The following RTL4 variants were observed in gnomAD, a reference collection of about 807,000 sequenced individuals.
RTL4 encodes the protein retrotransposon Gag like 4.
Under a neutral mutation model 5.3 loss-of-function variants are expected in RTL4, and 4 were observed. The observed-to-expected ratio is 0.75, with a 90% CI of 0.37 to 1.72. The LOEUF (loss-of-function observed/expected upper bound fraction) is 1.72, where lower values mean the gene tolerates loss of function less well. Ranked by LOEUF, RTL4 falls within the 40% of genes most tolerant of loss-of-function variation. RTL4 has a pLI of 0.04. For missense variants in RTL4, 260 were observed against 227.1 expected (o/e 1.14, Z -0.93); for synonymous variants, 98 against 87.3 (o/e 1.12, Z -0.68).
At chrX:112,425,074 C>T in the RTL4 span, among the ~76,000 whole-genome samples, 1,869 of 111,164 alleles carry the variant, frequency 0.017, 19 homozygotes, top group Non-Finnish European at 0.027. Context: ...ATCCTCTGTG[C>T]GCTGCCTATT....
chrX:112,102,360 T>A, the RTL4 span, among the ~76,000 whole-genome samples: 1 of 111,466 alleles, frequency 9.0e-6, no homozygotes, highest in East Asian at 2.8e-4. Flanking sequence ...AGAGAGAGAA[T>A]GTTATAAATT....
the RTL4 span, among the ~76,000 whole-genome samples, chrX:112,163,024 T>C: frequency 8.9e-6 from 1 of 111,964 alleles, no homozygotes; most frequent in Non-Finnish European, 1.9e-5. Context: ...CTCATTTATC[T>C]GTTCTTCGTA....
the RTL4 span, among the ~76,000 whole-genome samples, chrX:112,351,172 T>C: frequency 2.7e-5 from 3 of 110,702 alleles, no homozygotes; most frequent in African/African-American, 6.6e-5. Flanking sequence ...TGTAGTTGAG[T>C]GGTTTTGAGT....
the RTL4 span, among the ~76,000 whole-genome samples, chrX:112,303,638 A>G: frequency 4.8e-4 from 44 of 91,137 alleles, no homozygotes; most frequent in African/African-American, 1.5e-3. Flanking sequence ...GGATAGCATT[A>G]GGAGATATAC....
the RTL4 span, among the ~76,000 whole-genome samples, chrX:112,226,811 C>T: frequency 1.8e-5 from 2 of 108,581 alleles, no homozygotes; most frequent in Non-Finnish European, 3.8e-5. Context: ...TGGTGCGTGC[C>T]TGTAATCCCA....
At chrX:112,086,836 C>T in the RTL4 span, among the ~76,000 whole-genome samples, 7 of 111,605 alleles carry the variant, frequency 6.3e-5, no homozygotes, top group African/African-American at 9.8e-5. Context: ...ATTGGGACGA[C>T]GAATGACTGT....
At chrX:112,097,194 C>T in the RTL4 span, among the ~76,000 whole-genome samples, 1 of 111,852 alleles carries the variant, frequency 8.9e-6, no homozygotes, top group Non-Finnish European at 1.9e-5. Flanking sequence ...ACAAAAATCC[C>T]TGTCACTGTG....
chrX:112,325,993 A>T, the RTL4 span, among the ~76,000 whole-genome samples: 2 of 112,397 alleles, frequency 1.8e-5, no homozygotes, highest in African/African-American at 6.5e-5. Context: ...AAAGGACATG[A>T]ACAGACACTT....
chrX:112,279,749 A>G, the RTL4 span, among the ~76,000 whole-genome samples: 1 of 111,744 alleles, frequency 8.9e-6, no homozygotes, highest in Non-Finnish European at 1.9e-5. Context: ...TGTTGAACAG[A>G]AGATTCTGAG....
At chrX:112,175,273 G>A in the RTL4 span, among the ~76,000 whole-genome samples, 2 of 91,212 alleles carry the variant, frequency 2.2e-5, no homozygotes, top group South Asian at 6.2e-4. Flanking sequence ...GTAAGGAAGG[G>A]ATCCAGTTTC....
the RTL4 span, among the ~76,000 whole-genome samples, chrX:112,099,467 T>A: frequency 1.8e-5 from 2 of 111,150 alleles, no homozygotes; most frequent in Non-Finnish European, 1.9e-5. Context: ...AAAGAAAGAC[T>A]ATAGAGAAAG....
chrX:112,084,034 A>T, the RTL4 span, among the ~76,000 whole-genome samples: 1 of 111,301 alleles, frequency 9.0e-6, no homozygotes, highest in Non-Finnish European at 1.9e-5. Flanking sequence ...TTCTCAGAAC[A>T]ATCCCTAGCT....
the RTL4 span, among the ~76,000 whole-genome samples, chrX:112,164,885 G>A: frequency 1.8e-5 from 2 of 111,582 alleles, no homozygotes; most frequent in Non-Finnish European, 3.8e-5. Flanking sequence ...TCATATTGTA[G>A]ACCTCCTGGA....
At chrX:112,327,007 C>A in the RTL4 span, among the ~76,000 whole-genome samples, 6 of 111,946 alleles carry the variant, frequency 5.4e-5, no homozygotes, top group Admixed American at 5.7e-4. Context: ...CCCATGTGCA[C>A]ATCACCATCA....
chrX:112,350,164 G>A, the RTL4 span, among the ~76,000 whole-genome samples: 782 of 109,658 alleles, frequency 7.1e-3, 11 homozygotes, highest in African/African-American at 0.024. Context: ...GCTGGATTAC[G>A]TTTATTGATT....
At chrX:112,394,235 G>T in the RTL4 span, among the ~76,000 whole-genome samples, 1 of 111,009 alleles carries the variant, frequency 9.0e-6, no homozygotes, top group Non-Finnish European at 1.9e-5. Flanking sequence ...TTCTCCGTGG[G>T]TTGGGTTGTT....
At chrX:112,146,077 G>C in the RTL4 span, among the ~76,000 whole-genome samples, 1 of 112,315 alleles carries the variant, frequency 8.9e-6, no homozygotes, top group Non-Finnish European at 1.9e-5. Context: ...ATGGTGGCAA[G>C]AGTGAATTCA....
At chrX:112,329,506 G>A in the RTL4 span, among the ~76,000 whole-genome samples, 207 of 110,824 alleles carry the variant, frequency 1.9e-3, no homozygotes, top group African/African-American at 6.5e-3. Context: ...CTGAAATTGT[G>A]GCAATAATCA....
the RTL4 span, among the ~76,000 whole-genome samples, chrX:112,103,758 AT>A: frequency 9.0e-6 from 1 of 110,608 alleles, no homozygotes; most frequent in Non-Finnish European, 1.9e-5. Flanking sequence ...ATTATTTATT[AT>A]TTATTTTTAA....
Sources: allele counts gnomAD v4.1 joint callset (sites outside exome capture counted in the v4.1 genomes callset), GRCh38; gene constraint gnomAD v4.1.1; transcripts MANE v1.5; gene names NCBI Gene and HGNC (gene_info 2026-07-23, HGNC 2026-07-21).